CHD8: variants seen among roughly 807,000 people sequenced by gnomAD.
CHD8 encodes the protein chromodomain helicase DNA binding protein 8.
A neutral mutation model predicts 279.2 loss-of-function variants in CHD8; 31 were observed. That is an observed-to-expected ratio of 0.11 (90% CI 0.08 to 0.15). CHD8 has a LOEUF of 0.15. Among genes scored for constraint, CHD8 ranks in the 10% least tolerant of loss-of-function variants. The probability of loss-of-function intolerance (pLI) is 1.00; values close to 1 mark genes in which losing one functional copy is unlikely to be tolerated. For missense variants in CHD8, 2,146 were observed against 3,230.5 expected, an observed-to-expected ratio of 0.66 and a Z score of 8.14; for synonymous variants, 1,081 against 1,139.6, an observed-to-expected ratio of 0.95 and a Z score of 1.04.
At chr14:21,445,643 C>T (rs935766775) in intron 1 of CHD8, among the ~76,000 whole-genome samples, 2 of 136,698 alleles carry the variant, frequency 1.5e-5, no homozygotes, top group African/African-American at 2.8e-5. Context: ...GAGGCAAAAT[C>T]GTGCCACTGC....
rs370413542 is a variant in CHD8 at position 21,405,287 on chromosome 14, C to T, written c.3229G>A (p.Gly1077Ser). The T allele has an allele frequency of 1.4e-4, 219 of 1,612,632 alleles. No homozygotes were observed. Among genetic ancestry groups the T allele is most frequent in the Non-Finnish European group, 1.7e-4 (206 of 1,179,262 alleles). Reference protein sequence around the residue: ...KNFSFLSKGAGHTNMPNLLNT... With the variant: ...KNFSFLSKGASHTNMPNLLNT... ...AGTAGATTAGGCATGTTGGTATGAC[C>T]TGCCCCTTTGGAAAGGAAGGAGAAA... The change falls in exon 16 of 38, where the codon GGT becomes AGT. Residue 1077 changes from glycine (G) to serine (S), a missense_variant. Coordinates refer to ENST00000646647, the MANE Select transcript of CHD8 (RefSeq NM_001170629.2). The surrounding 1 kb of genome is among the most constrained non-coding windows in gnomAD (Gnocchi z 4.2).
rs1887640873 is a variant in CHD8 at position 21,393,517 on chromosome 14, G to C, written c.6278C>G (p.Ser2093Cys). 6.3e-7 allele frequency: 1 copy of C among 1,592,306 alleles called. No homozygotes were observed. The highest frequency in any genetic ancestry group is 1.1e-5 in the South Asian group (1 of 88,046). ...CTCATCCTCACTCTCATCAGTGCTG[G>C]AGCTGGAGCTGGATGAGGATGAGGA... ...SSSSSSSSSS[S>C]STDESEDEKE... is the part of the protein sequence containing the mutation. The change falls in exon 32 of 38, where the codon TCC becomes TGC. Residue 2093 changes from serine (S) to cysteine (C), a missense_variant. By Grantham distance (112) the Ser-to-Cys change is moderately radical. Transcript: ENST00000646647.
Position 21,428,117 on chromosome 14 carries a change from T to G in CHD8, c.1353A>C (p.Arg451Ser). The change falls in exon 4 of 38, where the codon AGA becomes AGC. Residue 451 changes from arginine to serine, a missense_variant. Physicochemically the swap from Arg to Ser is moderately radical, Grantham distance 110 (BLOSUM62 -1). Around this residue, in one of 26 missense-constraint regions of CHD8, gnomAD observed 170 missense variants for 189.9 expected, o/e 0.90. Coordinates refer to ENST00000646647, the MANE Select transcript of CHD8 (RefSeq NM_001170629.2). ...TCTCTTGCTTCTTCTGGTGTTCCAA[T>G]CTGCGGTTTTCCTCCATTCCTGTCT... ...GGKTGMEENR[R>S]LEHQKKQEKA... is the part of the protein sequence containing the mutation. The G allele has an allele frequency of 6.2e-7, 1 of 1,614,030 alleles. No homozygotes were observed. Among genetic ancestry groups the G allele is most frequent in the Non-Finnish European group, 8.5e-7 (1 of 1,179,904 alleles).
At position 21,400,442 on chromosome 14, in the gene CHD8, C is replaced by T; in HGVS notation, c.4541G>A (p.Gly1514Asp). 1 of 1,600,564 alleles carries T rather than the reference C, an allele frequency of 6.2e-7. No individual in the cohort carries two copies. The highest frequency in any genetic ancestry group is 8.5e-7 in the Non-Finnish European group (1 of 1,176,460). ...IWDLISPAENGKTKELQNHSG... is the reference protein window; with the variant it reads ...IWDLISPAENDKTKELQNHSG... ...ATGATTCTGCAATTCTTTTGTCTTG[C>T]CATTTTCAGCTGGGCTAATCAAGTC... is the stretch of plus-strand genomic sequence containing the variant. Residue 1514 changes from glycine to aspartate, a missense_variant, in exon 23 of 38, where the codon GGC becomes GAC. Gly to Asp is a moderately conservative substitution (Grantham distance 94). Around this residue, in one of 26 missense-constraint regions of CHD8, gnomAD observed 73 missense variants for 153.2 expected, o/e 0.48. Transcript: ENST00000646647. The surrounding 1 kb of genome is among the most constrained non-coding windows in gnomAD (Gnocchi z 4.2).
chr14:21,448,956 C>T (rs1448998918), intron 1 of CHD8, among the ~76,000 whole-genome samples: 1 of 151,456 alleles, frequency 6.6e-6, no homozygotes. Flanking sequence ...GGGCAGATCA[C>T]GAGGTCAGGA....
chr14:21,424,759 C>T (rs1889231242), intron 5 of CHD8, among the ~76,000 whole-genome samples: 1 of 152,206 alleles, frequency 6.6e-6, no homozygotes, highest in African/African-American at 2.4e-5. Flanking sequence ...GCGGGAGCTA[C>T]CGCGCCTGGC....
At chr14:21,445,977 C>A (rs770256663) in intron 1 of CHD8, among the ~76,000 whole-genome samples, 1 of 149,174 alleles carries the variant, frequency 6.7e-6, no homozygotes. Context: ...TCCAGCCTGG[C>A]GACAGAGCGA....
Position 21,395,037 on chromosome 14 carries a change from C to G in CHD8, c.5265G>C (p.Ala1755=), listed in dbSNP as rs374201033. Residue 1755 remains alanine, a synonymous_variant, in exon 30 of 38, where the codon GCG becomes GCC. Transcript: ENST00000646647. The part of the protein sequence containing the change: ...LTARLRRLVT[A]YQRSYKREQM... ...GTTCTCTCTTGTAGCTGCGCTGATA[C>G]GCTGTTACTAGACGCCGAAGCCTAG... is the stretch of plus-strand genomic sequence containing the variant. 1.9e-6 allele frequency: 3 copies of G among 1,613,906 alleles called. No individual in the cohort carries two copies. The highest frequency in any genetic ancestry group is 2.7e-5 in the African/African-American group (2 of 74,930).
At chr14:21,428,819 G>A in intron 3 of CHD8, 145 bp downstream of exon 3, 1 of 662,858 alleles carries the variant, frequency 1.5e-6, no homozygotes, top group East Asian at 2.8e-5. Context: ...AGGTTTCCAT[G>A]AATGAAAGAA....
At chr14:21,424,661 C>CG (rs983655675) in intron 5 of CHD8, among the ~76,000 whole-genome samples, 17 of 152,150 alleles carry the variant, frequency 1.1e-4, no homozygotes, top group African/African-American at 4.1e-4. Flanking sequence ...TTGGTAGAGA[C>CG]GGGGTTTCAC....
chr14:21,429,140 G>A lies in CHD8; in HGVS notation c.1039C>T (p.Pro347Ser), dbSNP rs1490420566. Residue 347 changes from proline (P) to serine (S), a missense_variant, in exon 3 of 38, where the codon CCA becomes TCA. Physicochemically the swap from Pro to Ser is moderately conservative, Grantham distance 74. Around this residue, in one of 26 missense-constraint regions of CHD8, gnomAD observed 170 missense variants for 189.9 expected, o/e 0.90. Transcript: ENST00000646647. ...GGTACAATCTGGATTTTTTGCTGTG[G>A]CTGCTGCACCTGCAGCTGGATAGTT... ...VVTIQLQVQQ[P>S]QQKIQIVPQP... 1.2e-6 allele frequency: 2 copies of A among 1,613,850 alleles called. No homozygotes were observed. The highest frequency in any genetic ancestry group is 8.5e-7 in the Non-Finnish European group (1 of 1,179,890).
At chr14:21,386,291 G>A (rs1887230096) in intron 37 of CHD8, 115 bp from the exon 38 acceptor site, 2 of 974,734 alleles carry the variant, frequency 2.1e-6, no homozygotes, top group Non-Finnish European at 3.0e-6. Flanking sequence ...CCTTAGAAGA[G>A]GCAAAACAAG....
rs202188781 is a variant in CHD8, at chr14:21,408,856, T to C, written c.2365-31A>G. The C allele has an allele frequency of 1.3e-6, 2 of 1,589,104 alleles. No individual in the cohort carries two copies. The highest frequency in any genetic ancestry group is 1.8e-5 in the Admixed American group (1 of 55,812). On this transcript the variant is annotated intron_variant, in intron 11 of 37. Coordinates refer to ENST00000646647, the MANE Select transcript of CHD8 (RefSeq NM_001170629.2). This position sits in a 1 kb window ranked among gnomAD's most constrained non-coding sequence, Gnocchi z 4.3. ...AAACAAGACGTTTGAATAAATGGAG[T>C]GGAGACATTATCAAAAGGTAAGACT...
At chr14:21,420,119 T>G (rs1414619018) in intron 5 of CHD8, among the ~76,000 whole-genome samples, 1 of 152,066 alleles carries the variant, frequency 6.6e-6, no homozygotes, top group Non-Finnish European at 1.5e-5. Context: ...GCACCTGCCC[T>G]CTCCTCTTTG....
At chr14:21,421,537 G>A (rs1421883566) in intron 5 of CHD8, among the ~76,000 whole-genome samples, 1 of 152,006 alleles carries the variant, frequency 6.6e-6, no homozygotes, top group Non-Finnish European at 1.5e-5. Context: ...TATTCATAAG[G>A]TAATTTCCTA....
rs1480707977 is a variant in CHD8, at chr14:21,431,209, G to A, written c.435C>T (p.Ser145=). The change falls in exon 2 of 38, where the codon TCC becomes TCT. Residue 145 remains serine, a synonymous_variant. Transcript: ENST00000646647. ...FMGVSATAVS[S]SSAGGQPPQS... Reference sequence around the variant, plus strand: ...GAGGTGGCTGCCCTCCAGCACTACTGGAGGAGACAGCTGTGGCAGAGACAC... The same window carrying A: ...GAGGTGGCTGCCCTCCAGCACTACTAGAGGAGACAGCTGTGGCAGAGACAC... 1.1e-5 allele frequency: 18 copies of A among 1,598,982 alleles called. No individual in the cohort carries two copies. In the South Asian group the frequency reaches 1.5e-4, roughly 14 times the overall value.
chr14:21,404,413 A>C (rs918115949), intron 16 of CHD8, among the ~76,000 whole-genome samples: 1 of 152,030 alleles, frequency 6.6e-6, no homozygotes, highest in Admixed American at 6.6e-5. Flanking sequence ...AAAAAAAAAA[A>C]AAAAAAACTT....
chr14:21,399,133 T>G (rs914054047), intron 26 of CHD8: 1 of 285,532 alleles, frequency 3.5e-6, no homozygotes, highest in Non-Finnish European at 7.1e-6. Flanking sequence ...CTGCAGGTGG[T>G]GCTTTGCCTC....
intron 1 of CHD8, among the ~76,000 whole-genome samples, chr14:21,453,913 C>T (rs1017484846): frequency 5.9e-5 from 9 of 151,554 alleles, no homozygotes; most frequent in South Asian, 4.2e-4. Flanking sequence ...CCCAGCACTT[C>T]GGGAGGCCGA....
Sources: allele counts gnomAD v4.1 joint callset (sites outside exome capture counted in the v4.1 genomes callset), GRCh38; gene constraint gnomAD v4.1.1; regional missense constraint gnomAD v4.1.1; non-coding constraint Gnocchi (gnomAD v3.1); transcripts MANE v1.5; gene names NCBI Gene and HGNC (gene_info 2026-07-23, HGNC 2026-07-21).